Variants in DLEU7 observed in about 807,000 individuals in gnomAD.
The protein encoded by DLEU7 is deleted in lymphocytic leukemia 7.
DLEU7 carries 17 observed loss-of-function variants against 16.0 expected under a neutral mutation model. The ratio of observed to expected loss-of-function variants is 1.06; its 90% confidence interval spans 0.73 to 1.59. The LOEUF (loss-of-function observed/expected upper bound fraction) is 1.59. DLEU7 is among the 40% of genes most tolerant of loss of function. The pLI is 0.00. For synonymous variants in DLEU7, 113 were observed against 139.8 expected, an observed-to-expected ratio of 0.81 and a Z score of 1.35; for missense variants, 308 against 314.9, an observed-to-expected ratio of 0.98 and a Z score of 0.17.
At chr13:50,787,424 T>C (rs1875817579) in intron 1 of DLEU7, among the ~76,000 whole-genome samples, 1 of 152,074 alleles carries the variant, frequency 6.6e-6, no homozygotes, top group Non-Finnish European at 1.5e-5. Flanking sequence ...CCCATGACTC[T>C]CAAAGGGAAA....
chr13:50,723,276 A>G (rs1873670328), intron 1 of DLEU7: 1 of 152,180 alleles, frequency 6.6e-6, no homozygotes, highest in Admixed American at 6.6e-5. Flanking sequence ...TTAGCCATCA[A>G]TTTTATTTGA....
At chr13:50,828,639 C>T (rs1298747767) in intron 1 of DLEU7, among the ~76,000 whole-genome samples, 1 of 152,012 alleles carries the variant, frequency 6.6e-6, no homozygotes, top group Non-Finnish European at 1.5e-5. Flanking sequence ...AAAAGTTGAA[C>T]CAAAGTTTGA....
chr13:50,789,499 G>A (rs1875887735), intron 1 of DLEU7, among the ~76,000 whole-genome samples: 1 of 150,398 alleles, frequency 6.6e-6, no homozygotes, highest in Admixed American at 6.7e-5. Context: ...AATAGAAGTT[G>A]ATTTATTTAA....
intron 1 of DLEU7, among the ~76,000 whole-genome samples, chr13:50,806,135 C>T (rs1876382798): frequency 6.6e-6 from 1 of 152,128 alleles, no homozygotes; most frequent in Non-Finnish European, 1.5e-5. Flanking sequence ...AGTCTTCTCT[C>T]TCTCTCATTT....
At chr13:50,804,287 A>C (rs1225367177) in intron 1 of DLEU7, among the ~76,000 whole-genome samples, 2 of 151,936 alleles carry the variant, frequency 1.3e-5, no homozygotes, top group African/African-American at 4.8e-5. Context: ...TTAAATGTTT[A>C]TATTTTTTTA....
chr13:50,713,693 G>A (rs1378668843), intron 1 of DLEU7, among the ~76,000 whole-genome samples: 3 of 152,226 alleles, frequency 2.0e-5, no homozygotes, highest in East Asian at 1.9e-4. Context: ...TGTTCCTGGC[G>A]TCATAAGCCT....
At chr13:50,807,026 T>C (rs1324567189) in intron 1 of DLEU7, among the ~76,000 whole-genome samples, 3 of 151,296 alleles carry the variant, frequency 2.0e-5, no homozygotes, top group Non-Finnish European at 2.9e-5. Flanking sequence ...CCTTTTTTTT[T>C]CCTACTTTTA....
At chr13:50,748,567 C>T (rs1031897809) in intron 1 of DLEU7, among the ~76,000 whole-genome samples, 5 of 151,962 alleles carry the variant, frequency 3.3e-5, no homozygotes, top group African/African-American at 4.8e-5. Flanking sequence ...ACAAGCCATG[C>T]GGGTGTCCTC....
chr13:50,711,776 G>GGGGGGGGGGT (rs1566225409), downstream of DLEU7: 361 of 118,828 alleles, frequency 3.0e-3, 48 homozygotes, highest in African/African-American at 0.011. Context: ...CAGTGGCGGG[G>GGGGGGGGGGT]GCGGGGGGCA....
At chr13:50,838,679 G>A (rs1288504024) in intron 1 of DLEU7, among the ~76,000 whole-genome samples, 2 of 152,206 alleles carry the variant, frequency 1.3e-5, no homozygotes, top group African/African-American at 4.8e-5. Flanking sequence ...CCAGTGTTAT[G>A]GACTAAATTG....
chr13:50,713,918 G>T (rs370772326), intron 1 of DLEU7, among the ~76,000 whole-genome samples: 8 of 152,160 alleles, frequency 5.3e-5, no homozygotes, highest in African/African-American at 1.7e-4. Flanking sequence ...GACTCTGCCC[G>T]CATGTGGCCT....
At chr13:50,731,267 GC>G (rs1376471930) in intron 1 of DLEU7, among the ~76,000 whole-genome samples, 1 of 152,154 alleles carries the variant, frequency 6.6e-6, no homozygotes, top group African/African-American at 2.4e-5. Context: ...TGCTTTCATT[GC>G]TTCATTCTTT....
intron 1 of DLEU7, among the ~76,000 whole-genome samples, chr13:50,778,521 A>T (rs1362884220): frequency 3.3e-5 from 5 of 152,218 alleles, no homozygotes; most frequent in Admixed American, 6.5e-5. Flanking sequence ...GAACTACTGG[A>T]CATGTTTACA....
intron 1 of DLEU7, among the ~76,000 whole-genome samples, chr13:50,784,299 C>G (rs1875740323): frequency 6.6e-6 from 1 of 152,196 alleles, no homozygotes; most frequent in Non-Finnish European, 1.5e-5. Context: ...GTATTTTTCA[C>G]AGCTCCTTAG....
intron 1 of DLEU7, among the ~76,000 whole-genome samples, chr13:50,815,077 T>C (rs1020403949): frequency 8.5e-5 from 13 of 152,162 alleles, no homozygotes; most frequent in Admixed American, 5.2e-4. Flanking sequence ...GTTATTTATT[T>C]GGCAAACTGT....
intron 1 of DLEU7, among the ~76,000 whole-genome samples, chr13:50,825,005 A>G (rs1877037201): frequency 6.6e-6 from 1 of 152,190 alleles, no homozygotes; most frequent in Admixed American, 6.6e-5. Flanking sequence ...TTTGCAGAAG[A>G]CAATTTTTTT....
intron 1 of DLEU7, among the ~76,000 whole-genome samples, chr13:50,790,964 G>C (rs1875940621): frequency 6.6e-6 from 1 of 152,166 alleles, no homozygotes. Flanking sequence ...TGGCAGGGAA[G>C]GGGACACGGC....
At chr13:50,772,496 A>T (rs1049083077) in intron 1 of DLEU7, among the ~76,000 whole-genome samples, 19 of 152,192 alleles carry the variant, frequency 1.2e-4, no homozygotes, top group African/African-American at 4.6e-4. Context: ...GCTTGTCTGT[A>T]AAGGATTTTA....
At chr13:50,830,404 A>G (rs1877224759) in intron 1 of DLEU7, among the ~76,000 whole-genome samples, 1 of 152,260 alleles carries the variant, frequency 6.6e-6, no homozygotes, top group African/African-American at 2.4e-5. Flanking sequence ...TAAAGAGCTT[A>G]TAACCTACTA....
Sources: gnomAD v4.1 joint callset for allele counts (sites outside exome capture counted in the v4.1 genomes callset) on GRCh38, gnomAD v4.1.1 for gene constraint, MANE v1.5 for transcripts, NCBI Gene and HGNC (gene_info 2026-07-23, HGNC 2026-07-21) for gene names.